Variants in ZNF106 observed in about 807,000 individuals in gnomAD.
The protein encoded by ZNF106 is SH3-domain binding protein 3.
In ZNF106, 67 loss-of-function variants were observed where a neutral mutation model predicts 195.1. That is an observed-to-expected ratio of 0.34 (90% CI 0.28 to 0.42). The LOEUF is 0.42. Among genes scored for constraint, ZNF106 ranks in the 10% least tolerant of loss-of-function variants. The pLI is 1.00. For missense variants in ZNF106, 2,118 were observed against 2,304.5 expected (o/e 0.92, Z 1.66); for synonymous variants, 784 against 818.6 (o/e 0.96, Z 0.72).
intron 1 of ZNF106, among the ~76,000 whole-genome samples, chr15:42,476,143 T>C (rs2141433875): frequency 6.6e-6 from 1 of 152,326 alleles, no homozygotes; most frequent in South Asian, 2.1e-4. Flanking sequence ...CTCATTTTCA[T>C]TTTCTTAAAA....
chr15:42,431,855 C>T (rs2055058742), intron 14 of ZNF106, among the ~76,000 whole-genome samples: 1 of 152,102 alleles, frequency 6.6e-6, no homozygotes, highest in South Asian at 2.1e-4. Context: ...CTCAAGTGAT[C>T]CACCCGCCTC....
At position 42,439,401 on chromosome 15, in the gene ZNF106, A is replaced by G. The variant is rs139102275; in HGVS notation, c.4176T>C (p.Asn1392=). The part of the protein sequence containing the change: ...KSLRAAHVPE[N]SDTEQDVLTV... ...TCAAAACATCCTGTTCAGTGTCACT[A>G]TTCTCAGGAACATGGGCAGCCCGTA... The change falls in exon 11 of 22, where the codon AAT becomes AAC. Residue 1392 remains asparagine, a synonymous_variant. Coordinates refer to ENST00000564754, the MANE Select transcript of ZNF106 (RefSeq NM_001366845.3). 6.8e-6 allele frequency: 11 copies of G among 1,613,982 alleles called. No individual in the cohort carries two copies. In the African/African-American group the frequency reaches 1.3e-4, roughly 20 times the overall value.
intron 1 of ZNF106, among the ~76,000 whole-genome samples, chr15:42,487,473 T>C (rs1375882328): frequency 1.7e-5 from 2 of 115,988 alleles, no homozygotes; most frequent in African/African-American, 7.4e-5. Context: ...CCTAGGTGAC[T>C]GAGCAAGACC....
chr15:42,454,475 T>C (rs1454912233), intron 4 of ZNF106, among the ~76,000 whole-genome samples: 1 of 151,964 alleles, frequency 6.6e-6, no homozygotes. Flanking sequence ...TAGATCATCA[T>C]GAATTGGCTA....
rs567514185 is a variant in ZNF106 at position 42,415,196 on chromosome 15, A to G, written c.*2108T>C. On this transcript the variant is annotated 3_prime_UTR_variant, in exon 22 of 22. Transcript: ENST00000564754. ...GAGTGCAGTAGTATGATCTTGGCTC[A>G]CTGCAACTTCTACCTCCAGGGTTCA... 139 of 224,292 alleles carry G rather than the reference A, an allele frequency of 6.2e-4. No homozygotes were observed. In the Middle Eastern group the frequency reaches 6.5e-3, roughly 10 times the overall value. The allele number at this position is 224,292 out of a possible 1,614,324, so 13.9% of individuals were successfully genotyped here.
At position 42,439,516 on chromosome 15, in the gene ZNF106, T is replaced by G. The variant is rs1595454266; in HGVS notation, c.4061A>C (p.Asp1354Ala). The G allele has an allele frequency of 6.2e-7, 1 of 1,614,186 alleles. No homozygotes were observed. Among genetic ancestry groups the G allele is most frequent in the Non-Finnish European group, 8.5e-7 (1 of 1,180,020 alleles). Residue 1354 changes from aspartate to alanine, a missense_variant, in exon 11 of 22, where the codon GAC becomes GCC. Asp to Ala is a moderately radical substitution (Grantham distance 126, BLOSUM62 -2). Transcript: ENST00000564754. The stretch of plus-strand genomic sequence containing the variant: ...GGATTCTGCCTGTTGTTCAGGCTGG[T>G]CAGCTGGAGAGTGGGGTTCCTTCTC... Reference protein sequence around the residue: ...PLEKEPHSPADQPEQQAESTL... With the variant: ...PLEKEPHSPAAQPEQQAESTL...
chr15:42,488,106 C>A (rs1037261129), intron 1 of ZNF106, among the ~76,000 whole-genome samples: 1 of 152,188 alleles, frequency 6.6e-6, no homozygotes, highest in African/African-American at 2.4e-5. Context: ...CAGCACGTAG[C>A]AAATTCAAGT....
At position 42,414,194 on chromosome 15, in the gene ZNF106, G is replaced by A. The variant is rs1031077529; in HGVS notation, c.*3110C>T. ...AGTCAACACAGATCCCTGAGCCATA[G>A]CTCTTCTCTGAGGGGAAACAGGGTT... On this transcript the variant is annotated 3_prime_UTR_variant, in exon 22 of 22. Transcript: ENST00000564754. The A allele has an allele frequency of 6.6e-6, 1 of 152,110 alleles. No homozygotes were observed. Among genetic ancestry groups the A allele is most frequent in the Non-Finnish European group, 1.5e-5 (1 of 68,034 alleles). The allele number at this position is 152,110 out of a possible 1,614,324, so 9.4% of individuals were successfully genotyped here.
Position 42,448,440 on chromosome 15 carries a change from C to G in ZNF106, c.2767G>C (p.Ala923Pro). ...ATGGTTGCTTTCTGGCTCTGTCCAG[C>G]CCTCAATGAGTTACTAGGTGAAACC... The part of the protein sequence containing the change: ...QMVSPSNSLR[A>P]GQSQKATMHL... Residue 923 changes from alanine to proline, a missense_variant, in exon 6 of 22, where the codon GCT (alanine) becomes CCT (proline). By Grantham distance (27) the Ala-to-Pro change is conservative (BLOSUM62 -1). Coordinates refer to ENST00000564754, the MANE Select transcript of ZNF106 (RefSeq NM_001366845.3). 5 of 1,614,146 alleles carry G rather than the reference C, an allele frequency of 3.1e-6. No homozygotes were observed. The highest frequency in any genetic ancestry group is 4.2e-6 in the Non-Finnish European group (5 of 1,180,038).
At position 42,415,122 on chromosome 15, in the gene ZNF106, C is replaced by CT. The variant is rs546912849; in HGVS notation, c.*2181dup. On this transcript the variant is annotated 3_prime_UTR_variant, in exon 22 of 22. Coordinates refer to ENST00000564754, the MANE Select transcript of ZNF106 (RefSeq NM_001366845.3). ...CCATTCATTATCTCCTAGATTAACT[C>CT]TTTTTTTTTTTTTTTTGAGGTGGAG... The CT allele has an allele frequency of 0.03, 4,857 of 161,650 alleles. 173 individuals carry two copies. Among genetic ancestry groups the CT allele is most frequent in the African/African-American group, 0.094 (3,420 of 36,514 alleles). The allele number at this position is 161,650 out of a possible 1,614,324, so 10.0% of individuals were successfully genotyped here.
chr15:42,462,883 A>G (rs1447995936), intron 3 of ZNF106, among the ~76,000 whole-genome samples: 2 of 152,150 alleles, frequency 1.3e-5, no homozygotes, highest in South Asian at 2.1e-4. Flanking sequence ...TCCTGGGCTC[A>G]AGGGATCCTC....
At chr15:42,437,968 C>A (rs1196385800) in intron 12 of ZNF106, among the ~76,000 whole-genome samples, 14 of 151,798 alleles carry the variant, frequency 9.2e-5, no homozygotes, top group African/African-American at 3.1e-4. Context: ...CTCTCCCACA[C>A]TTCCAAAAAG....
rs143094223 is a variant in ZNF106, at chr15:42,448,555, A to C, written c.2652T>G (p.Ser884=). Residue 884 remains serine, a synonymous_variant, in exon 6 of 22, where the codon TCT becomes TCG. Coordinates refer to ENST00000564754, the MANE Select transcript of ZNF106 (RefSeq NM_001366845.3). ...SPGLARKRSL[S]ESSVIMDRAP... Reference sequence around the variant, plus strand: ...CTCTGTCCATGATCACGCTGCTCTCAGAAAGGCTTCGCTTTCTTGCCAAGC... The same window carrying C: ...CTCTGTCCATGATCACGCTGCTCTCCGAAAGGCTTCGCTTTCTTGCCAAGC... 11 of 1,613,934 alleles carry C rather than the reference A, an allele frequency of 6.8e-6. No individual in the cohort carries two copies. The African/African-American group carries it at 1.5e-4, about 22-fold the overall frequency.
At chr15:42,436,181 C>T (rs182332226) in intron 13 of ZNF106, among the ~76,000 whole-genome samples, 1 of 152,232 alleles carries the variant, frequency 6.6e-6, no homozygotes, top group African/African-American at 2.4e-5. Context: ...TCTCAATCTC[C>T]TGACCTCATG....
At chr15:42,486,539 A>G (rs1210014474) in intron 1 of ZNF106, among the ~76,000 whole-genome samples, 3 of 152,174 alleles carry the variant, frequency 2.0e-5, no homozygotes, top group Non-Finnish European at 4.4e-5. Context: ...GATTACAGGT[A>G]TGAGCCACCA....
intron 14 of ZNF106, among the ~76,000 whole-genome samples, chr15:42,433,208 C>T (rs1286719391): frequency 6.6e-6 from 1 of 151,200 alleles, no homozygotes. Flanking sequence ...CGGCTTCACA[C>T]CATTCTCCTG....
intron 15 of ZNF106, among the ~76,000 whole-genome samples, chr15:42,425,278 C>T (rs1243640737): frequency 2.0e-5 from 3 of 152,222 alleles, no homozygotes; most frequent in Admixed American, 6.5e-5. Flanking sequence ...ACACCATCTC[C>T]ATCCTAATTA....
chr15:42,417,976 C>G (rs2054517177), intron 20 of ZNF106, 25 bp from the exon 21 acceptor site: 1 of 1,604,770 alleles, frequency 6.2e-7, no homozygotes, highest in Non-Finnish European at 8.5e-7. Flanking sequence ...AATGAGGAGA[C>G]TCGGTGAAAA....
rs1176591881 is a variant in ZNF106, at chr15:42,450,414, T to A, written c.1858A>T (p.Thr620Ser). 6.2e-7 allele frequency: 1 copy of A among 1,614,088 alleles called. No individual in the cohort carries two copies. Among genetic ancestry groups the A allele is most frequent in the Non-Finnish European group, 8.5e-7 (1 of 1,180,046 alleles). ...EDESDGETSD[T>S]EKHGTKIGTL... ...CCAATTTTTGTTCCATGCTTTTCCG[T>A]GTCAGATGTCTCTCCATCACTTTCA... The change falls in exon 5 of 22, where the codon ACG (threonine) becomes TCG (serine). Residue 620 changes from threonine to serine, a missense_variant. Transcript: ENST00000564754.
Sources: allele counts gnomAD v4.1 joint callset (sites outside exome capture counted in the v4.1 genomes callset), GRCh38; gene constraint gnomAD v4.1.1; transcripts MANE v1.5; gene names NCBI Gene and HGNC (gene_info 2026-07-23, HGNC 2026-07-21).